CABIN1: variants seen among roughly 807,000 people sequenced by gnomAD.
CABIN1 encodes the protein calcineurin-binding protein cabin-1.
A neutral mutation model predicts 227.7 loss-of-function variants in CABIN1; 133 were observed. That is an observed-to-expected ratio of 0.58 (90% CI 0.51 to 0.67). The LOEUF (loss-of-function observed/expected upper bound fraction) is 0.67, where lower values mean the gene tolerates loss of function less well. Ranked by LOEUF, CABIN1 falls within the 30% of genes least tolerant of loss-of-function variation. CABIN1 has a pLI of 0.00. For synonymous variants in CABIN1, 1,086 were observed against 1,155.1 expected (o/e 0.94, Z 1.21); for missense variants, 2,408 against 2,852.5 (o/e 0.84, Z 3.55).
rs377317033 is a variant in CABIN1 at position 24,055,021 on chromosome 22, G to A, written c.955G>A (p.Val319Ile). The change falls in exon 9 of 37, where the codon GTT becomes ATT. Residue 319 changes from valine (V) to isoleucine (I), a missense_variant. Around this residue, in one of 3 missense-constraint regions of CABIN1, gnomAD observed 1,045 missense variants for 1,168.4 expected, o/e 0.89. Coordinates refer to ENST00000263119, the MANE Select transcript of CABIN1 (RefSeq NM_012295.4). ...TGAGTCCTCCATGGTGGTGACGCCA[G>A]TTAACGTGATCCAGCCAAGCACTGT... ...PLESSMVVTP[V>I]NVIQPSTVST... 1.9e-6 allele frequency: 3 copies of A among 1,614,144 alleles called. No individual in the cohort carries two copies. Among genetic ancestry groups the A allele is most frequent in the Non-Finnish European group, 2.5e-6 (3 of 1,180,060 alleles).
Position 24,083,350 on chromosome 22 carries a change from G to A in CABIN1, c.2871G>A (p.Lys957=). 1.2e-6 allele frequency: 2 copies of A among 1,614,042 alleles called. No individual in the cohort carries two copies. The highest frequency in any genetic ancestry group is 3.4e-4 in the Middle Eastern group (2 of 5,966). The change falls in exon 20 of 37, where the codon AAG becomes AAA. Residue 957 remains lysine (K), a synonymous_variant. Transcript: ENST00000263119. ...FYCLYSFPSK[K]SKARYLEEHS... is the part of the protein sequence containing the mutation. ...GCCTGTACAGCTTCCCCAGCAAGAA[G>A]AGTAAGGCCAGGTACCTGGAGGAAC...
chr22:24,151,876 A>G (rs1266242910), intron 29 of CABIN1, among the ~76,000 whole-genome samples: 1 of 151,382 alleles, frequency 6.6e-6, no homozygotes, highest in Non-Finnish European at 1.5e-5. Flanking sequence ...TGCCATCCTC[A>G]CCTTCCTCCA....
intron 29 of CABIN1, among the ~76,000 whole-genome samples, chr22:24,150,452 G>A (rs1476558656): frequency 2.0e-5 from 3 of 152,180 alleles, no homozygotes; most frequent in South Asian, 4.1e-4. Flanking sequence ...GGCAGCAGTG[G>A]GGAGGGCAGA....
rs147802457 is a variant in CABIN1 at position 24,129,779 on chromosome 22, G to C, written c.4633-4523G>C. On this transcript the variant is annotated intron_variant, in intron 28 of 36. Coordinates refer to ENST00000263119, the MANE Select transcript of CABIN1 (RefSeq NM_012295.4). Reference sequence around the variant, plus strand: ...GGGGAGCATCAGGGGGAAAGGTGAGGTGGCACCAGGTAGAGAGACCTCCAG... The same window carrying C: ...GGGGAGCATCAGGGGGAAAGGTGAGCTGGCACCAGGTAGAGAGACCTCCAG... 8.7e-3 allele frequency among the ~76,000 whole-genome samples: 1,330 copies of C among 152,304 alleles called. 21 individuals are homozygous for C. The highest frequency in any genetic ancestry group is 0.03 in the African/African-American group (1,246 of 41,556).
chr22:24,029,913 G>A (rs1405735358), intron 1 of CABIN1, among the ~76,000 whole-genome samples: 1 of 152,176 alleles, frequency 6.6e-6, no homozygotes, highest in African/African-American at 2.4e-5. Flanking sequence ...CTTAAAACTT[G>A]GGTTCTGCTG....
intron 27 of CABIN1, among the ~76,000 whole-genome samples, chr22:24,118,388 C>A (rs2043205076): frequency 6.6e-6 from 1 of 152,154 alleles, no homozygotes; most frequent in Non-Finnish European, 1.5e-5. Flanking sequence ...TAGGCTTCGA[C>A]TTAGCATGCG....
chr22:24,084,902 G>A, intron 21 of CABIN1, 104 bp from the exon 22 acceptor site: 3 of 1,565,012 alleles, frequency 1.9e-6, no homozygotes, highest in East Asian at 2.2e-5. Context: ...TGAGGGGCAG[G>A]AGAGGCTGGA....
At chr22:24,147,713 G>A (rs2045239480) in intron 29 of CABIN1, among the ~76,000 whole-genome samples, 1 of 152,042 alleles carries the variant, frequency 6.6e-6, no homozygotes, top group Non-Finnish European at 1.5e-5. Flanking sequence ...CAAAGTGCTG[G>A]GATTACAGGC....
At chr22:24,013,485 C>T (rs1020274495) in intron 1 of CABIN1, among the ~76,000 whole-genome samples, 3 of 152,160 alleles carry the variant, frequency 2.0e-5, no homozygotes, top group African/African-American at 4.8e-5. Context: ...GCGTGAGCCA[C>T]CATGCCCGGC....
At chr22:24,172,532 G>A (rs2046878572) in intron 34 of CABIN1, among the ~76,000 whole-genome samples, 1 of 152,204 alleles carries the variant, frequency 6.6e-6, no homozygotes, top group African/African-American at 2.4e-5. Flanking sequence ...CAAGACAGAA[G>A]CCAGCCAGGA....
chr22:24,071,087 G>A (rs1409473506), intron 17 of CABIN1, 45 bp downstream of exon 17: 2 of 1,613,206 alleles, frequency 1.2e-6, no homozygotes, highest in African/African-American at 2.7e-5. Flanking sequence ...CAGCAGGTAT[G>A]TCTCTGTGAC....
At position 24,177,534 on chromosome 22, in the gene CABIN1, A is replaced by T; in HGVS notation, c.6236A>T (p.Asp2079Val). Residue 2079 changes from aspartate to valine, a missense_variant, in exon 36 of 37, where the codon GAT (aspartate) becomes GTT (valine). Physicochemically the swap from Asp to Val is radical, Grantham distance 152 (BLOSUM62 -3). Around this residue, in one of 3 missense-constraint regions of CABIN1, gnomAD observed 714 missense variants for 773.8 expected, o/e 0.92. Transcript: ENST00000263119. The surrounding 1 kb of genome is among the most constrained non-coding windows in gnomAD (Gnocchi z 4.4). ...EGKLRPEPRRDGEAQEAASET... is the reference protein window; with the variant it reads ...EGKLRPEPRRVGEAQEAASET... ...AAACTGAGGCCTGAGCCGAGAAGGGATGGGGAGGCTCAGGAGGCTGCGAGT... is the reference window on the plus strand; with the variant it reads ...AAACTGAGGCCTGAGCCGAGAAGGGTTGGGGAGGCTCAGGAGGCTGCGAGT... The T allele has an allele frequency of 6.4e-7, 1 of 1,556,730 alleles. No individual in the cohort carries two copies. Among genetic ancestry groups the T allele is most frequent in the Non-Finnish European group, 8.7e-7 (1 of 1,148,250 alleles).
At chr22:24,139,054 C>T (rs1303652876) in intron 29 of CABIN1, among the ~76,000 whole-genome samples, 1 of 152,172 alleles carries the variant, frequency 6.6e-6, no homozygotes, top group Non-Finnish European at 1.5e-5. Context: ...AGCCAGCAAC[C>T]ATGGATGAAC....
intron 12 of CABIN1, 60 bp from the exon 13 acceptor site, chr22:24,061,887 C>T: frequency 8.2e-7 from 1 of 1,219,858 alleles, no homozygotes. Context: ...GCCCCCTACC[C>T]CCCACACTGT....
intron 1 of CABIN1, among the ~76,000 whole-genome samples, chr22:24,032,021 T>C (rs1291542211): frequency 6.6e-6 from 1 of 152,228 alleles, no homozygotes; most frequent in Non-Finnish European, 1.5e-5. Flanking sequence ...TTACCCACTT[T>C]TTAAGTGTAC....
At chr22:24,136,771 A>G (rs1569268500) in intron 29 of CABIN1, among the ~76,000 whole-genome samples, 1 of 151,670 alleles carries the variant, frequency 6.6e-6, no homozygotes, top group African/African-American at 2.4e-5. Flanking sequence ...ACACACAGAA[A>G]GGCTCAGTGC....
intron 28 of CABIN1, among the ~76,000 whole-genome samples, chr22:24,122,657 G>T (rs11914152): frequency 1.8e-4 from 28 of 151,950 alleles, no homozygotes; most frequent in African/African-American, 6.5e-4. Flanking sequence ...GCAGTGAGCC[G>T]AGATCACGTC....
intron 12 of CABIN1, 44 bp from the exon 13 acceptor site, chr22:24,061,903 G>C: frequency 7.0e-7 from 1 of 1,430,880 alleles, no homozygotes; most frequent in Non-Finnish European, 9.9e-7. Context: ...ACTGTGAAGA[G>C]GCTTTGTGAT....
intron 28 of CABIN1, among the ~76,000 whole-genome samples, chr22:24,121,445 A>C (rs1023748285): frequency 6.6e-6 from 1 of 152,202 alleles, no homozygotes; most frequent in African/African-American, 2.4e-5. Context: ...GGTGCAGTGC[A>C]TGCTAGCAAA....
Sources: allele counts gnomAD v4.1 joint callset (sites outside exome capture counted in the v4.1 genomes callset), GRCh38; gene constraint gnomAD v4.1.1; regional missense constraint gnomAD v4.1.1; non-coding constraint Gnocchi (gnomAD v3.1); transcripts MANE v1.5; gene names NCBI Gene and HGNC (gene_info 2026-07-23, HGNC 2026-07-21).